The following MGAM variants were observed in gnomAD, a reference collection of about 807,000 sequenced individuals.
MGAM encodes the protein alpha-1,4-glucosidase.
A neutral mutation model predicts 358.8 loss-of-function variants in MGAM; 253 were observed. The observed-to-expected ratio is 0.71, with a 90% CI of 0.64 to 0.78. The LOEUF is 0.78. MGAM is among the 30% of genes least tolerant of loss of function. The pLI is 0.00. For synonymous variants in MGAM, 1,105 were observed against 1,227.1 expected, an observed-to-expected ratio of 0.90 and a Z score of 2.08; for missense variants, 3,080 against 3,432.6, an observed-to-expected ratio of 0.90 and a Z score of 2.57.
chr7:142,059,807 C>T (rs779104827), intron 32 of MGAM, 49 bp from the exon 33 acceptor site: 28 of 1,581,606 alleles, frequency 1.8e-5, no homozygotes, highest in Middle Eastern at 1.7e-4. Context: ...TCTGTTTCTC[C>T]TCATTCTCTG....
In MGAM at chr7:142,082,489, C is replaced by T; in HGVS notation, c.6186C>T (p.Ser2062=). 3 of 1,530,748 alleles carry T rather than the reference C, an allele frequency of 2.0e-6. 1 individual carries two copies. Among genetic ancestry groups the T allele is most frequent in the East Asian group, 2.3e-5 (1 of 42,992 alleles). The allele number at this position is 1,530,748 out of a possible 1,614,324, so 94.8% of individuals were successfully genotyped here. A position where few individuals can be genotyped will look rare whatever the true frequency, so the allele number is the denominator to read the frequency against. ...TGACTCTCCAGTACAAGAAGAATTC[C>T]TATGGTGTCCACCCCTACTACATGG... ...RDQPPGYKKN[S]YGVHPYYMGL... The change falls in exon 52 of 71, where the codon TCC becomes TCT. Residue 2062 remains serine (S), a synonymous_variant. Coordinates refer to ENST00000475668, the MANE Select transcript of MGAM (RefSeq NM_001365693.1).
At chr7:142,080,605 A>T (rs1412246225) in intron 49 of MGAM, among the ~76,000 whole-genome samples, 186 bp from the exon 50 acceptor site, 1 of 146,230 alleles carries the variant, frequency 6.8e-6, no homozygotes, top group East Asian at 2.0e-4. Context: ...AGTAATGAGA[A>T]ATGACAGACA....
Position 142,055,746 on chromosome 7 carries a change from G to C in MGAM, c.3483+20G>C, listed in dbSNP as rs1811457182. 6.2e-7 allele frequency: 1 copy of C among 1,612,716 alleles called. No homozygotes were observed. On this transcript the variant is annotated intron_variant, in intron 28 of 70. Transcript: ENST00000475668. ...CCAGGGGTAAGGACAGAGCATTTGG[G>C]ATCTGTGTCTCTGCTTCTCTCCACC...
At position 142,030,626 on chromosome 7, in the gene MGAM, T is replaced by G; in HGVS notation, c.1354-15T>G. 6.2e-7 allele frequency: 1 copy of G among 1,605,856 alleles called. No homozygotes were observed. The highest frequency in any genetic ancestry group is 8.5e-7 in the Non-Finnish European group (1 of 1,172,644). On this transcript the variant is annotated splice_polypyrimidine_tract_variant and intron_variant, in intron 11 of 70. Transcript: ENST00000475668. ...TTTCCAGCTAGTTTGTTCATTGTATTCTTCCTATTTTTAGGATCCAGCCAT... is the reference window on the plus strand; with the variant it reads ...TTTCCAGCTAGTTTGTTCATTGTATGCTTCCTATTTTTAGGATCCAGCCAT...
chr7:141,995,005 G>A (rs1985729), upstream of MGAM, among the ~76,000 whole-genome samples: 51,190 of 152,160 alleles, frequency 0.34, 13,708 homozygotes, highest in African/African-American at 0.74. Context: ...GACACTGGTT[G>A]TGTGACTGGG....
Position 142,083,335 on chromosome 7 carries a change from C to G in MGAM, c.6303C>G (p.Tyr2101Ter). ...VTFQPLPALT[Y>*]RTTGGVLDFY... is the part of the protein sequence containing the mutation. ...TCCAGCCCCTGCCTGCCTTGACATA[C>G]CGTACCACAGGGGGAGTTCTGGACT... The change falls in exon 53 of 71, where the codon TAC becomes TAG. Residue 2101 changes from tyrosine to a stop codon, truncating the protein, a stop_gained. Coordinates refer to ENST00000475668, the MANE Select transcript of MGAM (RefSeq NM_001365693.1). LOFTEE classifies it high-confidence loss of function. 1 of 1,554,206 alleles carries G rather than the reference C, an allele frequency of 6.4e-7. No homozygotes were observed. The highest frequency in any genetic ancestry group is 8.8e-7 in the Non-Finnish European group (1 of 1,131,586).
chr7:142,073,076 G>A lies in MGAM; in HGVS notation c.5187-1009G>A, dbSNP rs915926038. Among the ~76,000 whole-genome samples, 5 of 146,218 alleles carry A rather than the reference G, an allele frequency of 3.4e-5. 2 individuals are homozygous for A. The highest frequency in any genetic ancestry group is 7.7e-5 in the Non-Finnish European group (5 of 64,578). Reference sequence around the variant, plus strand: ...GGGTAAGTCTCCAGAAGAATATACAGTCTACCATATTTGTAGAACTGTGTT... The same window carrying A: ...GGGTAAGTCTCCAGAAGAATATACAATCTACCATATTTGTAGAACTGTGTT... On this transcript the variant is annotated intron_variant, in intron 44 of 70. Coordinates refer to ENST00000475668, the MANE Select transcript of MGAM (RefSeq NM_001365693.1).
At chr7:142,031,033 G>A (rs1436548345) in intron 12 of MGAM, among the ~76,000 whole-genome samples, 1 of 152,074 alleles carries the variant, frequency 6.6e-6, no homozygotes, top group Non-Finnish European at 1.5e-5. Context: ...CTCTGCAGCT[G>A]ACTGTGGTCT....
At chr7:142,060,441 G>A in intron 34 of MGAM, 68 bp downstream of exon 34, 3 of 1,552,748 alleles carry the variant, frequency 1.9e-6, no homozygotes, top group Non-Finnish European at 2.7e-6. Flanking sequence ...TCCTGGGATT[G>A]TGGACATGCC....
At chr7:142,024,414 GAAAA>G (rs10580224) in intron 7 of MGAM, among the ~76,000 whole-genome samples, 4 of 138,906 alleles carry the variant, frequency 2.9e-5, no homozygotes, top group Admixed American at 7.1e-5. Flanking sequence ...ACCCTGTCTG[GAAAA>G]AAAAAAAAAA....
chr7:142,086,857 C>A, intron 57 of MGAM, 140 bp downstream of exon 57: 1 of 406,592 alleles, frequency 2.5e-6, no homozygotes, highest in Non-Finnish European at 4.3e-6. Context: ...GGATGTCAGT[C>A]TGTGTGCCCA....
At chr7:142,045,472 ATT>A (rs1393649685) in intron 21 of MGAM, among the ~76,000 whole-genome samples, 1 of 111,854 alleles carries the variant, frequency 8.9e-6, no homozygotes, top group Non-Finnish European at 1.6e-5. Flanking sequence ...TATTATATAT[ATT>A]ATATATACAT....
At position 142,095,562 on chromosome 7, in the gene MGAM, T is replaced by A. The variant is rs1268020856; in HGVS notation, c.7459-3T>A. 1 of 1,613,058 alleles carries A rather than the reference T, an allele frequency of 6.2e-7. No individual in the cohort carries two copies. Among genetic ancestry groups the A allele is most frequent in the Admixed American group, 1.7e-5 (1 of 60,014 alleles). ...TCCCAACACTGTTCTCTTTCTCCTTTAGAGACAAGACCCTGTGTCCTGGGA... is the reference window on the plus strand; with the variant it reads ...TCCCAACACTGTTCTCTTTCTCCTTAAGAGACAAGACCCTGTGTCCTGGGA... On this transcript the variant is annotated splice_polypyrimidine_tract_variant and splice_region_variant and intron_variant, in intron 63 of 70. Coordinates refer to ENST00000475668, the MANE Select transcript of MGAM (RefSeq NM_001365693.1).
intron 57 of MGAM, among the ~76,000 whole-genome samples, chr7:142,088,996 G>GTATGTATATATCTATC (rs771119657): frequency 0.018 from 2,163 of 118,044 alleles, 132 homozygotes; most frequent in African/African-American, 0.059. Context: ...ATGTATGTAT[G>GTATGTATATATCTATC]TATCTATCTA....
Position 142,075,752 on chromosome 7 carries a change from G to A in MGAM, c.5276-451G>A, listed in dbSNP as rs138361376. ...CACAGCGAGATGTCACCTCACACCTGTTAGCATGGAAATCATAAAAAAGAA... is the reference window on the plus strand; with the variant it reads ...CACAGCGAGATGTCACCTCACACCTATTAGCATGGAAATCATAAAAAAGAA... On this transcript the variant is annotated intron_variant, in intron 45 of 70. Transcript: ENST00000475668. 1.6e-4 allele frequency among the ~76,000 whole-genome samples: 24 copies of A among 146,144 alleles called. 1 individual carries two copies. In the East Asian group the frequency reaches 3.8e-3, roughly 23 times the overall value.
At position 142,032,172 on chromosome 7, in the gene MGAM, T is replaced by G. The variant is rs145584398; in HGVS notation, c.1584+379T>G. Among the ~76,000 whole-genome samples, 142 of 152,072 alleles carry G rather than the reference T, an allele frequency of 9.3e-4. 3 individuals carry two copies. The East Asian group carries it at 0.024, about 25-fold the overall frequency. On this transcript the variant is annotated intron_variant, in intron 13 of 70. Transcript: ENST00000475668. The stretch of plus-strand genomic sequence containing the variant: ...CTTTTGGACATGTTGAACAAATTGA[T>G]CAGAGCCAAAGTACTCAGGTGCATG...
At position 142,008,608 on chromosome 7, in the gene MGAM, A is replaced by G. The variant is rs782638645; in HGVS notation, c.230A>G (p.Asp77Gly). Residue 77 changes from aspartate to glycine, a missense_variant, in exon 3 of 71, where the codon GAT becomes GGT. Physicochemically the swap from Asp to Gly is moderately conservative, Grantham distance 94. Transcript: ENST00000475668. The part of the protein sequence containing the change: ...TTHARTTGPP[D>G]PGTTGTTPVS... ...CATGCTAGGACAACGGGTCCCCCAG[A>G]TCCTGGAACAACTGGTACCACTCCT... is the stretch of plus-strand genomic sequence containing the variant. 19 of 1,613,372 alleles carry G rather than the reference A, an allele frequency of 1.2e-5. 1 individual carries two copies. In the East Asian group the frequency reaches 4.0e-4, roughly 34 times the overall value.
intron 16 of MGAM, among the ~76,000 whole-genome samples, chr7:142,035,350 T>G (rs941839598): frequency 3.3e-4 from 50 of 152,186 alleles, no homozygotes; most frequent in Non-Finnish European, 7.1e-4. Context: ...CCCAAGGGTT[T>G]ACAGTTTAGT....
At chr7:142,034,459 G>A (rs1807799071) in intron 15 of MGAM, 80 bp downstream of exon 15, 8 of 1,111,094 alleles carry the variant, frequency 7.2e-6, no homozygotes, top group Non-Finnish European at 1.0e-5. Context: ...GAGATTATGG[G>A]GCTAATGCAT....
Sources: allele counts gnomAD v4.1 joint callset (sites outside exome capture counted in the v4.1 genomes callset), GRCh38; gene constraint gnomAD v4.1.1; transcripts MANE v1.5; gene names NCBI Gene and HGNC (gene_info 2026-07-23, HGNC 2026-07-21).